Variants in ITGA9 observed in about 807,000 individuals in gnomAD.
The protein encoded by ITGA9 is integrin alpha-9.
A neutral mutation model predicts 127.8 loss-of-function variants in ITGA9; 56 were observed. The observed-to-expected ratio is 0.44, with a 90% CI of 0.35 to 0.55. The LOEUF (loss-of-function observed/expected upper bound fraction) is 0.55, where lower values mean the gene tolerates loss of function less well. Among genes scored for constraint, ITGA9 ranks in the 20% least tolerant of loss-of-function variants. The pLI, the probability that ITGA9 is intolerant of heterozygous loss-of-function variation, is 0.00. For missense variants in ITGA9, 1,196 were observed against 1,347.1 expected (o/e 0.89, Z 1.76); for synonymous variants, 508 against 514.5 (o/e 0.99, Z 0.17).
At chr3:37,643,196 C>T (rs1434645515) in intron 16 of ITGA9, among the ~76,000 whole-genome samples, 1 of 152,172 alleles carries the variant, frequency 6.6e-6, no homozygotes, top group African/African-American at 2.4e-5. Context: ...GGCTCCTGCC[C>T]TCCAATGTTG....
chr3:37,787,780 C>G (rs1193723840), intron 26 of ITGA9, among the ~76,000 whole-genome samples: 2 of 152,154 alleles, frequency 1.3e-5, no homozygotes, highest in Non-Finnish European at 2.9e-5. Flanking sequence ...TTAAATTAGG[C>G]AAAGTTTCAA....
At chr3:37,779,423 G>A (rs1485927884) in intron 24 of ITGA9, among the ~76,000 whole-genome samples, 1 of 152,062 alleles carries the variant, frequency 6.6e-6, no homozygotes, top group African/African-American at 2.4e-5. Flanking sequence ...CGTCTCTATT[G>A]TAACTTTTGT....
rs1270642484 is a variant in ITGA9 at position 37,793,389 on chromosome 3, A to AACACACATACACAC, written c.2889+8318_2889+8319insTACACACACACACA. 3.3e-4 allele frequency among the ~76,000 whole-genome samples: 45 copies of AACACACATACACAC among 134,564 alleles called. 1 individual carries two copies. Among genetic ancestry groups the AACACACATACACAC allele is most frequent in the African/African-American group, 1.2e-3 (45 of 36,694 alleles). The allele number at this position is 134,564 out of a possible 152,430, so 88.3% of individuals were successfully genotyped here. On this transcript the variant is annotated intron_variant, in intron 26 of 27. Transcript: ENST00000264741. ...AGACTTCCACAGCCCCAAACAGGTC[A>AACACACATACACAC]ACACACACACACACACACACACACA...
chr3:37,522,348 G>A (rs75046604), intron 11 of ITGA9, among the ~76,000 whole-genome samples: 6,894 of 152,148 alleles, frequency 0.045, 440 homozygotes, highest in African/African-American at 0.15. Flanking sequence ...ATGTTGATGC[G>A]CAGCTTCAGT....
chr3:37,560,125 C>T (rs958867509), intron 15 of ITGA9, among the ~76,000 whole-genome samples: 6 of 151,742 alleles, frequency 4.0e-5, no homozygotes, highest in Admixed American at 2.0e-4. Context: ...CGACAGGCCC[C>T]GGTGTGTGAT....
chr3:37,459,067 G>C (rs1698289815), intron 1 of ITGA9, among the ~76,000 whole-genome samples: 2 of 152,144 alleles, frequency 1.3e-5, no homozygotes. Context: ...TTGAAACCAC[G>C]GGCTCACTTG....
intron 18 of ITGA9, among the ~76,000 whole-genome samples, chr3:37,689,443 A>G (rs1286471847): frequency 6.6e-6 from 1 of 152,164 alleles, no homozygotes; most frequent in East Asian, 1.9e-4. Context: ...GCCAGAGCAC[A>G]GGGTATTATG....
chr3:37,453,665 G>A (rs796224036), intron 1 of ITGA9, among the ~76,000 whole-genome samples: 1 of 152,290 alleles, frequency 6.6e-6, no homozygotes, highest in African/African-American at 2.4e-5. Context: ...GGGGTGGCAG[G>A]CAGGGAGGTC....
chr3:37,566,298 A>G (rs1221277736), intron 15 of ITGA9, among the ~76,000 whole-genome samples: 1 of 152,180 alleles, frequency 6.6e-6, no homozygotes. Flanking sequence ...GTGTAATAGC[A>G]TGGATGTGCC....
chr3:37,603,883 T>C (rs1184944983), intron 15 of ITGA9, among the ~76,000 whole-genome samples: 2 of 152,190 alleles, frequency 1.3e-5, no homozygotes, highest in Admixed American at 1.3e-4. Flanking sequence ...TTATTTTGTC[T>C]TGTTGGGCTG....
Position 37,542,538 on chromosome 3 carries a change from C to T in ITGA9, c.1642C>T (p.Leu548=). 2 of 1,614,178 alleles carry T rather than the reference C, an allele frequency of 1.2e-6. No homozygotes were observed. The highest frequency in any genetic ancestry group is 1.7e-6 in the Non-Finnish European group (2 of 1,180,034). Residue 548 remains leucine (L), a synonymous_variant, in exon 15 of 28, where the codon CTG becomes TTG. Coordinates refer to ENST00000264741, the MANE Select transcript of ITGA9 (RefSeq NM_002207.3). ...GGGTCAGGTCACAGAGAAGCTGCAG[C>T]TGACTTACATGGAGGAGACGTGTCG... ...TMGQVTEKLQ[L]TYMEETCRHY...
chr3:37,462,320 A>G (rs868316561), intron 1 of ITGA9, among the ~76,000 whole-genome samples: 1 of 152,166 alleles, frequency 6.6e-6, no homozygotes, highest in Non-Finnish European at 1.5e-5. Flanking sequence ...GACTCCACCA[A>G]TTTCATTCTC....
At chr3:37,580,921 T>G (rs779426852) in intron 15 of ITGA9, among the ~76,000 whole-genome samples, 1 of 152,246 alleles carries the variant, frequency 6.6e-6, no homozygotes, top group African/African-American at 2.4e-5. Context: ...CGAGTTGCTT[T>G]ACTTCTCTGA....
rs112143035 is a variant in ITGA9 at position 37,704,184 on chromosome 3, G to A, written c.2067+20169G>A. Among the ~76,000 whole-genome samples the A allele has an allele frequency of 3.5e-3, 529 of 152,260 alleles. 6 individuals carry two copies. Among genetic ancestry groups the A allele is most frequent in the African/African-American group, 0.012 (498 of 41,546 alleles). ...CACGGCCAGTTTTTTGTGGAGGGGG[G>A]CAATGGGCAAGGAAGCATTGATGAA... On this transcript the variant is annotated intron_variant, in intron 18 of 27. Coordinates refer to ENST00000264741, the MANE Select transcript of ITGA9 (RefSeq NM_002207.3).
At chr3:37,705,827 G>A (rs548932906) in intron 18 of ITGA9, among the ~76,000 whole-genome samples, 1 of 152,136 alleles carries the variant, frequency 6.6e-6, no homozygotes, top group African/African-American at 2.4e-5. Context: ...TTAAAGCAAT[G>A]ATTCACCCAG....
At chr3:37,466,560 A>G (rs1224084616) in intron 1 of ITGA9, among the ~76,000 whole-genome samples, 1 of 144,774 alleles carries the variant, frequency 6.9e-6, no homozygotes. Context: ...GGATAGGAGG[A>G]GAGAGCCTTG....
chr3:37,718,704 C>T (rs542207273), intron 18 of ITGA9, among the ~76,000 whole-genome samples: 27 of 152,184 alleles, frequency 1.8e-4, no homozygotes, highest in Non-Finnish European at 3.8e-4. Context: ...TGCAGTTTCA[C>T]TTTTGAGGGT....
At chr3:37,661,207 A>G (rs950936903) in intron 17 of ITGA9, among the ~76,000 whole-genome samples, 2 of 152,160 alleles carry the variant, frequency 1.3e-5, no homozygotes, top group African/African-American at 2.4e-5. Context: ...TATCAGGGCT[A>G]TTTCAGTCTT....
intron 5 of ITGA9, among the ~76,000 whole-genome samples, chr3:37,496,382 A>G (rs1298169737): frequency 2.6e-5 from 4 of 152,136 alleles, no homozygotes; most frequent in Non-Finnish European, 5.9e-5. Context: ...GGCCGAATTT[A>G]AAGATTGTTC....
Sources: allele counts gnomAD v4.1 joint callset (sites outside exome capture counted in the v4.1 genomes callset), GRCh38; gene constraint gnomAD v4.1.1; transcripts MANE v1.5; gene names NCBI Gene and HGNC (gene_info 2026-07-23, HGNC 2026-07-21).